TNIP1: variants seen among roughly 807,000 people sequenced by gnomAD.
TNIP1 encodes TNFAIP3-interacting protein 1.
In TNIP1, 22 loss-of-function variants were observed where a neutral mutation model predicts 86.6. The ratio of observed to expected loss-of-function variants is 0.25; its 90% CI spans 0.18 to 0.36. The LOEUF (loss-of-function observed/expected upper bound fraction) is 0.36, where lower values mean the gene tolerates loss of function less well. TNIP1 is among the 10% of genes least tolerant of loss of function. TNIP1 has a pLI of 1.00. For missense variants in TNIP1, 709 were observed against 820.6 expected, an observed-to-expected ratio of 0.86 and a Z score of 1.66; for synonymous variants, 294 against 313.0, an observed-to-expected ratio of 0.94 and a Z score of 0.64.
intron 6 of TNIP1, among the ~76,000 whole-genome samples, chr5:151,054,881 G>A (rs772605644): frequency 2.6e-5 from 4 of 152,168 alleles, no homozygotes; most frequent in South Asian, 2.1e-4. Flanking sequence ...GTCTCTGGGC[G>A]AGGCCTCCAG....
chr5:151,071,228 C>T (rs1435153914), intron 1 of TNIP1, among the ~76,000 whole-genome samples: 1 of 152,136 alleles, frequency 6.6e-6, no homozygotes, highest in Admixed American at 6.5e-5. Flanking sequence ...AGGACCGCAC[C>T]CTGGCATCCT....
At chr5:151,074,472 A>G (rs922914213) in intron 1 of TNIP1, among the ~76,000 whole-genome samples, 1 of 152,134 alleles carries the variant, frequency 6.6e-6, no homozygotes, top group Non-Finnish European at 1.5e-5. Flanking sequence ...TTCTCGAATG[A>G]CCCTGGGTAG....
chr5:151,071,099 T>G (rs1031075588), intron 1 of TNIP1, among the ~76,000 whole-genome samples: 3 of 152,104 alleles, frequency 2.0e-5, no homozygotes, highest in Non-Finnish European at 2.9e-5. Flanking sequence ...CTAAAACTGC[T>G]CTATAAAAAA....
intron 8 of TNIP1, among the ~76,000 whole-genome samples, chr5:151,048,337 A>G (rs1045751296): frequency 1.3e-5 from 2 of 152,154 alleles, no homozygotes; most frequent in Non-Finnish European, 2.9e-5. Flanking sequence ...ACGACGCTAA[A>G]CCTACTTTAC....
chr5:151,047,877 C>T (rs1193737404), intron 8 of TNIP1, among the ~76,000 whole-genome samples: 8 of 152,098 alleles, frequency 5.3e-5, no homozygotes, highest in Non-Finnish European at 4.4e-5. Context: ...AGGCCCCATC[C>T]GGACTTCTGA....
chr5:151,045,791 G>GC, intron 9 of TNIP1, 70 bp downstream of exon 9: 1 of 1,525,570 alleles, frequency 6.6e-7, no homozygotes, highest in African/African-American at 1.4e-5. Flanking sequence ...GGAGGCCAGG[G>GC]CAAGCCTTTG....
intron 1 of TNIP1, among the ~76,000 whole-genome samples, chr5:151,073,450 G>T (rs6870205): frequency 1.3e-5 from 2 of 152,052 alleles, no homozygotes; most frequent in African/African-American, 4.8e-5. Flanking sequence ...CCATTCATTC[G>T]ATGGAATACT....
chr5:151,046,631 G>A (rs1759207845), intron 8 of TNIP1, among the ~76,000 whole-genome samples: 1 of 152,054 alleles, frequency 6.6e-6, no homozygotes, highest in Non-Finnish European at 1.5e-5. Flanking sequence ...TGAGTTTGAT[G>A]CATCTTATAG....
At chr5:151,044,549 G>GA (rs199654673) in intron 9 of TNIP1, among the ~76,000 whole-genome samples, 1,653 of 151,984 alleles carry the variant, frequency 0.011, 26 homozygotes, top group African/African-American at 0.037. Flanking sequence ...TTTGAAATCA[G>GA]AAAAAAAGAC....
At chr5:151,045,144 C>A (rs868182774) in intron 9 of TNIP1, among the ~76,000 whole-genome samples, 2 of 152,096 alleles carry the variant, frequency 1.3e-5, no homozygotes, top group South Asian at 4.2e-4. Context: ...CAGGCTGGCA[C>A]GCGGTGGCAC....
chr5:151,065,240 C>T, intron 1 of TNIP1, 109 bp from the exon 2 acceptor site: 2 of 886,848 alleles, frequency 2.3e-6, no homozygotes, highest in East Asian at 2.7e-5. Flanking sequence ...CCACTTTAAG[C>T]TGGTCTGACC....
At chr5:151,035,865 C>T (rs1757633002) in intron 13 of TNIP1, among the ~76,000 whole-genome samples, 158 bp from the exon 14 acceptor site, 7 of 152,208 alleles carry the variant, frequency 4.6e-5, no homozygotes, top group Admixed American at 3.9e-4. Context: ...TCCACCTTAA[C>T]TTCAAACAGA....
intron 8 of TNIP1, among the ~76,000 whole-genome samples, chr5:151,049,270 C>T (rs943801959): frequency 6.6e-6 from 1 of 152,054 alleles, no homozygotes; most frequent in Admixed American, 6.6e-5. Context: ...CTGCTTGGGA[C>T]CTGGATGTGG....
intron 14 of TNIP1, 65 bp downstream of exon 14, chr5:151,035,517 C>T: frequency 6.2e-7 from 1 of 1,611,462 alleles, no homozygotes. Context: ...CAGGGCCCTC[C>T]AATCCATGCC....
At chr5:151,031,984 C>T in intron 17 of TNIP1, 1 of 272,976 alleles carries the variant, frequency 3.7e-6, no homozygotes, top group Non-Finnish European at 6.8e-6. Context: ...TTTGTTTATT[C>T]ATTTCTGCCT....
Position 151,030,696 on chromosome 5 carries a change from A to G in TNIP1, c.*17T>C, listed in dbSNP as rs201568275. 5.3e-5 allele frequency: 85 copies of G among 1,614,048 alleles called. No individual in the cohort carries two copies. The highest frequency in any genetic ancestry group is 1.4e-5 in the Non-Finnish European group (17 of 1,180,018). On this transcript the variant is annotated 3_prime_UTR_variant, in exon 18 of 18. Transcript: ENST00000521591. ...GCTCTGCAAGATGAAGGTGGAGCCA[A>G]ATGACACAATCTGGTCTCACTGAGG...
At chr5:151,063,967 C>T (rs1227593065) in intron 2 of TNIP1, among the ~76,000 whole-genome samples, 1 of 152,152 alleles carries the variant, frequency 6.6e-6, no homozygotes. Flanking sequence ...AATCGGGGGA[C>T]ACAGGAGCGG....
chr5:151,035,465 G>C (rs1252116779), intron 14 of TNIP1, 117 bp downstream of exon 14: 1 of 1,468,752 alleles, frequency 6.8e-7, no homozygotes, highest in Non-Finnish European at 9.4e-7. Flanking sequence ...TATGATTGCA[G>C]AGCTGGAGAG....
chr5:151,072,223 G>C (rs1461799033), intron 1 of TNIP1, among the ~76,000 whole-genome samples: 1 of 152,196 alleles, frequency 6.6e-6, no homozygotes, highest in Non-Finnish European at 1.5e-5. Flanking sequence ...GAAGCTCAGA[G>C]GTGGGAAACC....
Sources: allele counts gnomAD v4.1 joint callset (sites outside exome capture counted in the v4.1 genomes callset), GRCh38; gene constraint gnomAD v4.1.1; transcripts MANE v1.5; gene names NCBI Gene and HGNC (gene_info 2026-07-23, HGNC 2026-07-21).